Variants in PJA2 observed in about 807,000 individuals in gnomAD.
The protein encoded by PJA2 is E3 ubiquitin-protein ligase Praja-2.
A neutral mutation model predicts 69.3 loss-of-function variants in PJA2; 25 were observed. That is an observed-to-expected ratio of 0.36 (90% confidence interval 0.26 to 0.50). The LOEUF is 0.50. Ranked by LOEUF, PJA2 falls within the 20% of genes least tolerant of loss-of-function variation. PJA2 has a pLI of 0.96. For missense variants in PJA2, 809 were observed against 830.2 expected, an observed-to-expected ratio of 0.97 and a Z score of 0.31; for synonymous variants, 308 against 277.8, an observed-to-expected ratio of 1.11 and a Z score of -1.08.
chr5:109,373,094 T>TA (rs1419627064), intron 4 of PJA2, among the ~76,000 whole-genome samples: 2 of 151,516 alleles, frequency 1.3e-5, no homozygotes, highest in Non-Finnish European at 2.9e-5. Flanking sequence ...ACTGTCTCAA[T>TA]AAAAAAGAAT....
intron 9 of PJA2, 37 bp from the exon 10 acceptor site, chr5:109,337,393 A>G: frequency 6.5e-7 from 1 of 1,544,708 alleles, no homozygotes; most frequent in Non-Finnish European, 8.7e-7. Context: ...CACCAGAATC[A>G]TCTTAACTGC....
chr5:109,396,013 A>AC (rs1010696811), intron 1 of PJA2, among the ~76,000 whole-genome samples: 4 of 151,790 alleles, frequency 2.6e-5, no homozygotes, highest in African/African-American at 9.7e-5. Flanking sequence ...AAAAAAAAAA[A>AC]AGAAAAAAAA....
chr5:109,379,002 A>G lies in PJA2; in HGVS notation c.485T>C (p.Leu162Ser). The G allele has an allele frequency of 1.2e-6, 2 of 1,614,198 alleles. No individual in the cohort carries two copies. Among genetic ancestry groups the G allele is most frequent in the Non-Finnish European group, 1.7e-6 (2 of 1,180,032 alleles). ...SASSVQNGIA[L>S]VHTDSYDPDG... ...TGGATCATAAGAGTCTGTATGAACCAATGCAATTCCATTTTGGACACTTGA... is the reference window on the plus strand; with the variant it reads ...TGGATCATAAGAGTCTGTATGAACCGATGCAATTCCATTTTGGACACTTGA... Residue 162 changes from leucine to serine, a missense_variant, in exon 4 of 10, where the codon TTG becomes TCG. Leu to Ser is a moderately radical substitution (Grantham distance 145). Transcript: ENST00000361189.
At chr5:109,395,997 T>C (rs576416481) in intron 1 of PJA2, among the ~76,000 whole-genome samples, 3 of 106,428 alleles carry the variant, frequency 2.8e-5, no homozygotes, top group Admixed American at 1.1e-4. Context: ...CGAAACTCTA[T>C]CTCAAAAAAA....
chr5:109,340,146 G>A (rs1209119388), intron 9 of PJA2, among the ~76,000 whole-genome samples: 4 of 152,082 alleles, frequency 2.6e-5, no homozygotes, highest in Non-Finnish European at 4.4e-5. Flanking sequence ...TTTTATTTGT[G>A]ATTTTGTTGT....
chr5:109,370,756 A>G (rs1181379829), intron 4 of PJA2, among the ~76,000 whole-genome samples: 2 of 152,184 alleles, frequency 1.3e-5, no homozygotes, highest in African/African-American at 2.4e-5. Flanking sequence ...CTAAATTACC[A>G]ACTCCTATTT....
rs1044729029 is a variant in PJA2, at chr5:109,335,014, T to G, written c.*2217A>C. On this transcript the variant is annotated 3_prime_UTR_variant, in exon 10 of 10. Transcript: ENST00000361189. The stretch of plus-strand genomic sequence containing the variant: ...AATAAAATTAGGTTAAGTCACAACA[T>G]AAAATAGAGAAATAAGATAAATGCT... The G allele has an allele frequency of 2.6e-5, 4 of 152,596 alleles. No homozygotes were observed. 9.5% of individuals were successfully genotyped at this position (152,596 alleles called of 1,614,324 possible). A position where few individuals can be genotyped will look rare whatever the true frequency, so the allele number is the denominator to read the frequency against.
chr5:109,386,627 T>G (rs1441696150), intron 1 of PJA2, among the ~76,000 whole-genome samples: 4 of 152,148 alleles, frequency 2.6e-5, no homozygotes, highest in Admixed American at 2.6e-4. Flanking sequence ...GTACCCTACT[T>G]TGAATTCCAT....
At chr5:109,387,401 A>G (rs1747183429) in intron 1 of PJA2, among the ~76,000 whole-genome samples, 1 of 152,182 alleles carries the variant, frequency 6.6e-6, no homozygotes, top group South Asian at 2.1e-4. Context: ...GTCAAGATTA[A>G]AATGATTAAT....
At chr5:109,343,528 G>A (rs1320306443) in intron 9 of PJA2, among the ~76,000 whole-genome samples, 3 of 151,968 alleles carry the variant, frequency 2.0e-5, no homozygotes, top group African/African-American at 7.3e-5. Flanking sequence ...TAGTGCCAAA[G>A]GCTTCTCTGC....
rs1043738789 is a variant in PJA2, at chr5:109,335,898, G to T, written c.*1333C>A. On this transcript the variant is annotated 3_prime_UTR_variant, in exon 10 of 10. Coordinates refer to ENST00000361189, the MANE Select transcript of PJA2 (RefSeq NM_014819.5). ...CCCATAAAAGGATACACAGTATTTTGCTGTAAATACCAGACACATTTACAA... is the reference window on the plus strand; with the variant it reads ...CCCATAAAAGGATACACAGTATTTTTCTGTAAATACCAGACACATTTACAA... The T allele has an allele frequency of 6.6e-6, 1 of 152,524 alleles. No homozygotes were observed. Among genetic ancestry groups the T allele is most frequent in the African/African-American group, 2.4e-5 (1 of 41,398 alleles). 9.4% of individuals were successfully genotyped at this position (152,524 alleles called of 1,614,324 possible). A position where few individuals can be genotyped will look rare whatever the true frequency, so the allele number is the denominator to read the frequency against.
At chr5:109,404,160 C>T (rs1747627573) in intron 1 of PJA2, among the ~76,000 whole-genome samples, 2 of 152,076 alleles carry the variant, frequency 1.3e-5, no homozygotes, top group Non-Finnish European at 2.9e-5. Context: ...TAAAAGGCCA[C>T]TTGTCTTAGT....
chr5:109,403,084 T>C (rs994477385), intron 1 of PJA2, among the ~76,000 whole-genome samples: 5 of 150,014 alleles, frequency 3.3e-5, no homozygotes, highest in African/African-American at 1.2e-4. Flanking sequence ...AAATAAAAAG[T>C]TGACTCTGAA....
rs1761908027 is a variant in PJA2, at chr5:109,334,755, A to G, written c.*2476T>C. The G allele has an allele frequency of 6.5e-6, 1 of 152,674 alleles. No homozygotes were observed. The highest frequency in any genetic ancestry group is 2.4e-5 in the African/African-American group (1 of 41,460). 9.5% of individuals were successfully genotyped at this position (152,674 alleles called of 1,614,324 possible). A position where few individuals can be genotyped will look rare whatever the true frequency, so the allele number is the denominator to read the frequency against. ...ATATTCTGTTTATTGTTTATGATTT[A>G]CACAGAAAATGATGGGCTGGGGTTA... On this transcript the variant is annotated 3_prime_UTR_variant, in exon 10 of 10. Coordinates refer to ENST00000361189, the MANE Select transcript of PJA2 (RefSeq NM_014819.5).
chr5:109,394,529 C>T (rs1747360523), intron 1 of PJA2, among the ~76,000 whole-genome samples: 1 of 152,182 alleles, frequency 6.6e-6, no homozygotes, highest in African/African-American at 2.4e-5. Context: ...TTTATGCCTT[C>T]CATTTTTTGT....
chr5:109,337,420 T>TA (rs1383123699), intron 9 of PJA2, 64 bp from the exon 10 acceptor site: 1,920 of 1,465,356 alleles, frequency 1.3e-3, no homozygotes, highest in East Asian at 7.1e-3. Flanking sequence ...AGTAACTTAA[T>TA]AAAGAAAAAA....
At position 109,344,887 on chromosome 5, in the gene PJA2, G is replaced by T; in HGVS notation, c.1765-68C>A. 4 of 992,008 alleles carry T rather than the reference G, an allele frequency of 4.0e-6. No individual in the cohort carries two copies. In the South Asian group the frequency reaches 4.8e-5, roughly 12 times the overall value. The allele number at this position is 992,008 out of a possible 1,614,324, so 61.5% of individuals were successfully genotyped here. A position where few individuals can be genotyped will look rare whatever the true frequency, so the allele number is the denominator to read the frequency against. Reference sequence around the variant, plus strand: ...AACAGTAACAGAAAACTATTTTTAGGGTATCTCCAAAATTATATCACCATT... The same window carrying T: ...AACAGTAACAGAAAACTATTTTTAGTGTATCTCCAAAATTATATCACCATT... On this transcript the variant is annotated intron_variant, in intron 7 of 9. Coordinates refer to ENST00000361189, the MANE Select transcript of PJA2 (RefSeq NM_014819.5).
In PJA2 at chr5:109,336,136, A is replaced by G. The variant is rs72793085; in HGVS notation, c.*1095T>C. Reference sequence around the variant, plus strand: ...ACTAAATTATCAATGTACCAGTTAGACGGACATACACTCACTATGTGCTTT... The same window carrying G: ...ACTAAATTATCAATGTACCAGTTAGGCGGACATACACTCACTATGTGCTTT... On this transcript the variant is annotated 3_prime_UTR_variant, in exon 10 of 10. Transcript: ENST00000361189. 13 of 152,626 alleles carry G rather than the reference A, an allele frequency of 8.5e-5. No homozygotes were observed. The highest frequency in any genetic ancestry group is 1.6e-4 in the Non-Finnish European group (11 of 68,022). 9.5% of individuals were successfully genotyped at this position (152,626 alleles called of 1,614,324 possible). A position where few individuals can be genotyped will look rare whatever the true frequency, so the allele number is the denominator to read the frequency against.
At chr5:109,346,933 C>T (rs1762180400) in intron 7 of PJA2, among the ~76,000 whole-genome samples, 1 of 152,336 alleles carries the variant, frequency 6.6e-6, no homozygotes, top group Admixed American at 6.5e-5. Context: ...GATAGCTTAG[C>T]TAACACTCTA....
Sources: allele counts gnomAD v4.1 joint callset (sites outside exome capture counted in the v4.1 genomes callset), GRCh38; gene constraint gnomAD v4.1.1; transcripts MANE v1.5; gene names NCBI Gene and HGNC (gene_info 2026-07-23, HGNC 2026-07-21).